The following TMEM44 variants were observed in gnomAD, a reference collection of about 807,000 sequenced individuals.
TMEM44 encodes the protein transmembrane protein 44.
TMEM44 carries 43 observed loss-of-function variants against 47.8 expected under a neutral mutation model. The ratio of observed to expected loss-of-function variants is 0.90; its 90% CI spans 0.70 to 1.16. The LOEUF (loss-of-function observed/expected upper bound fraction) is 1.16, where lower values mean the gene tolerates loss of function less well. Ranked by LOEUF, TMEM44 falls within the 50% of genes most tolerant of loss-of-function variation. TMEM44 has a pLI of 0.00. For missense variants in TMEM44, 568 were observed against 555.2 expected (o/e 1.02, Z -0.23); for synonymous variants, 277 against 238.8 (o/e 1.16, Z -1.48).
At chr3:194,627,082 C>T (rs2108602119) in intron 2 of TMEM44, among the ~76,000 whole-genome samples, 1 of 152,202 alleles carries the variant, frequency 6.6e-6, no homozygotes, top group Admixed American at 6.5e-5. Context: ...CCACCACGCC[C>T]AGCTAGTTTT....
intron 3 of TMEM44, among the ~76,000 whole-genome samples, chr3:194,624,179 C>T (rs1028059576): frequency 2.2e-4 from 33 of 152,298 alleles, no homozygotes; most frequent in African/African-American, 7.7e-4. Flanking sequence ...AAGATAGGCA[C>T]TCCTCTGAGC....
intron 7 of TMEM44, among the ~76,000 whole-genome samples, chr3:194,613,555 C>T (rs886114709): frequency 2.7e-5 from 4 of 150,654 alleles, no homozygotes; most frequent in East Asian, 4.0e-4. Context: ...TGCAATGGTG[C>T]GATTTTGGCT....
chr3:194,623,089 C>G, intron 5 of TMEM44, 135 bp downstream of exon 5: 1 of 835,990 alleles, frequency 1.2e-6, no homozygotes, highest in Non-Finnish European at 1.8e-6. Context: ...CACTAACGCT[C>G]TTCAGGAAAA....
At position 194,615,599 on chromosome 3, in the gene TMEM44, G is replaced by A. The variant is rs760114358; in HGVS notation, c.882C>T (p.Thr294=). 23 of 1,614,034 alleles carry A rather than the reference G, an allele frequency of 1.4e-5. No individual in the cohort carries two copies. Among genetic ancestry groups the A allele is most frequent in the Non-Finnish European group, 1.9e-5 (23 of 1,180,022 alleles). ...GGTTTTCTTCCTCTTTCTCTGCACAGGTCAAAAGGGCTTGGGTGTCAGGGC... is the reference window on the plus strand; with the variant it reads ...GGTTTTCTTCCTCTTTCTCTGCACAAGTCAAAAGGGCTTGGGTGTCAGGGC... The part of the protein sequence containing the change: ...RESPDTQALL[T]CAEKEEENQE... Residue 294 remains threonine, a synonymous_variant, in exon 7 of 10, where the codon ACC becomes ACT. Transcript: ENST00000347147.
intron 9 of TMEM44, among the ~76,000 whole-genome samples, chr3:194,596,563 G>A (rs888558278): frequency 1.3e-5 from 2 of 152,072 alleles, no homozygotes; most frequent in African/African-American, 2.4e-5. Flanking sequence ...AGGCTGAGGC[G>A]GGCAGATCAC....
At chr3:194,617,766 G>A (rs565869394) in intron 5 of TMEM44, 27 of 703,522 alleles carry the variant, frequency 3.8e-5, no homozygotes, top group East Asian at 3.0e-4. Context: ...CCCCAGTGTC[G>A]GAGGTGGGGC....
chr3:194,613,224 C>G (rs1316732857), intron 7 of TMEM44, among the ~76,000 whole-genome samples: 1 of 152,126 alleles, frequency 6.6e-6, no homozygotes, highest in Non-Finnish European at 1.5e-5. Context: ...ATTGCCCAGG[C>G]TGGAGTACAG....
intron 9 of TMEM44, among the ~76,000 whole-genome samples, chr3:194,600,372 CTCG>C (rs1349046350): frequency 1.3e-5 from 2 of 151,654 alleles, no homozygotes; most frequent in Non-Finnish European, 2.9e-5. Flanking sequence ...ATCCACCTGT[CTCG>C]GCCTGTCTCT....
intron 5 of TMEM44, 154 bp from the exon 6 acceptor site, chr3:194,617,423 G>T: frequency 2.2e-6 from 2 of 914,260 alleles, no homozygotes; most frequent in Non-Finnish European, 1.6e-6. Flanking sequence ...TGCTCGAGTT[G>T]CTTCTTCTGC....
intron 9 of TMEM44, among the ~76,000 whole-genome samples, chr3:194,592,526 T>G (rs1481120715): frequency 6.6e-6 from 1 of 152,208 alleles, no homozygotes; most frequent in Non-Finnish European, 1.5e-5. Context: ...TCCCTATTAC[T>G]TGGGCTTACC....
intron 1 of TMEM44, among the ~76,000 whole-genome samples, chr3:194,629,239 T>A (rs984077912): frequency 2.0e-5 from 3 of 152,008 alleles, no homozygotes; most frequent in African/African-American, 7.2e-5. Context: ...AAAAGACAAC[T>A]TGTTTCTCTG....
chr3:194,623,702 C>T lies in TMEM44; in HGVS notation c.359-7G>A, dbSNP rs751532140. On this transcript the variant is annotated splice_polypyrimidine_tract_variant and splice_region_variant and intron_variant, in intron 3 of 9. Coordinates refer to ENST00000347147, the MANE Select transcript of TMEM44 (RefSeq NM_001011655.3). ...CTCTCTCGGGCTTCCCGATCTGCAACAGACACCAAAATCCCACATGGCTCC... is the reference window on the plus strand; with the variant it reads ...CTCTCTCGGGCTTCCCGATCTGCAATAGACACCAAAATCCCACATGGCTCC... 14 of 1,613,890 alleles carry T rather than the reference C, an allele frequency of 8.7e-6. No individual in the cohort carries two copies. Among genetic ancestry groups the T allele is most frequent in the Non-Finnish European group, 4.2e-6 (5 of 1,180,016 alleles).
intron 5 of TMEM44, among the ~76,000 whole-genome samples, chr3:194,620,240 G>A (rs1487521473): frequency 2.8e-5 from 4 of 143,962 alleles, no homozygotes; most frequent in Non-Finnish European, 3.0e-5. Flanking sequence ...GCAGTGAGCC[G>A]AGATCGTGCC....
At chr3:194,629,240 T>C (rs1445622698) in intron 1 of TMEM44, among the ~76,000 whole-genome samples, 1 of 152,058 alleles carries the variant, frequency 6.6e-6, no homozygotes. Context: ...AAAGACAACT[T>C]GTTTCTCTGA....
chr3:194,620,655 C>T (rs1716422923), intron 5 of TMEM44, among the ~76,000 whole-genome samples: 1 of 152,090 alleles, frequency 6.6e-6, no homozygotes. Flanking sequence ...AGTGAGGGGA[C>T]ACAGTGGTGG....
chr3:194,613,322 T>C (rs1773159), intron 7 of TMEM44, among the ~76,000 whole-genome samples: 130,994 of 150,948 alleles, frequency 0.87, 56,919 homozygotes, highest in South Asian at 0.92. Flanking sequence ...GGATTACAGG[T>C]GCCCGCCACC....
chr3:194,628,351 C>G (rs369482000), intron 2 of TMEM44, 32 bp downstream of exon 2: 554 of 1,599,808 alleles, frequency 3.5e-4, no homozygotes, highest in Non-Finnish European at 4.3e-4. Flanking sequence ...TAGTGCTGGC[C>G]TAAGCCACTG....
chr3:194,624,177 C>A (rs1716893523), intron 3 of TMEM44, among the ~76,000 whole-genome samples: 1 of 152,154 alleles, frequency 6.6e-6, no homozygotes, highest in Non-Finnish European at 1.5e-5. Context: ...GTAAGATAGG[C>A]ACTCCTCTGA....
chr3:194,592,551 G>A (rs1396784508), intron 9 of TMEM44, among the ~76,000 whole-genome samples: 1 of 152,056 alleles, frequency 6.6e-6, no homozygotes, highest in Non-Finnish European at 1.5e-5. Context: ...TACCCCCAAA[G>A]CAGAAAGAAC....
Sources: gnomAD v4.1 joint callset for allele counts (sites outside exome capture counted in the v4.1 genomes callset) on GRCh38, gnomAD v4.1.1 for gene constraint, MANE v1.5 for transcripts, NCBI Gene and HGNC (gene_info 2026-07-23, HGNC 2026-07-21) for gene names.